The following GPAT3 variants were observed in gnomAD, a reference collection of about 807,000 sequenced individuals.
The protein encoded by GPAT3 is 1-AGP acyltransferase 9.
Under a neutral mutation model 58.8 loss-of-function variants are expected in GPAT3, and 53 were observed. That is an observed-to-expected ratio of 0.90 (90% CI 0.72 to 1.13). The LOEUF (loss-of-function observed/expected upper bound fraction) is 1.13. Ranked by LOEUF, GPAT3 falls within the 50% of genes most tolerant of loss-of-function variation. GPAT3 has a pLI of 0.00. For synonymous variants in GPAT3, 197 were observed against 187.4 expected, an observed-to-expected ratio of 1.05 and a Z score of -0.42; for missense variants, 511 against 527.6, an observed-to-expected ratio of 0.97 and a Z score of 0.31.
In GPAT3 at chr4:83,588,089, T is replaced by C. The variant is rs1481015414; in HGVS notation, c.555-121T>C. The C allele has an allele frequency of 4.0e-6, 3 of 743,192 alleles. No homozygotes were observed. In the African/African-American group the frequency reaches 5.3e-5, roughly 13 times the overall value. 46.0% of individuals were successfully genotyped at this position (743,192 alleles called of 1,614,324 possible). On this transcript the variant is annotated intron_variant, in intron 4 of 11. Transcript: ENST00000264409. ...GACTATAAGACTATAAGAATTGAAC[T>C]GTACCTGTTCACCAGAATAGAATGT... is the stretch of plus-strand genomic sequence containing the variant.
intron 1 of GPAT3, among the ~76,000 whole-genome samples, chr4:83,539,947 T>C (rs10019908): frequency 0.56 from 84,540 of 151,712 alleles, 24,881 homozygotes; most frequent in African/African-American, 0.73. Context: ...CACTTGAGAT[T>C]AGGAATTTGA....
At chr4:83,576,604 C>T (rs1299897406) in intron 2 of GPAT3, among the ~76,000 whole-genome samples, 1 of 151,944 alleles carries the variant, frequency 6.6e-6, no homozygotes, top group East Asian at 1.9e-4. Flanking sequence ...GCACCATGCC[C>T]AGCTAATTTT....
intron 6 of GPAT3, 29 bp downstream of exon 6, chr4:83,590,321 A>C: frequency 6.3e-7 from 1 of 1,598,070 alleles, no homozygotes; most frequent in Non-Finnish European, 8.5e-7. Flanking sequence ...TATTTCAAGT[A>C]GTTGCATGTT....
intron 6 of GPAT3, among the ~76,000 whole-genome samples, chr4:83,592,444 C>T (rs1037024327): frequency 1.3e-5 from 2 of 152,176 alleles, no homozygotes; most frequent in African/African-American, 4.8e-5. Context: ...CATCAAAGAT[C>T]TCTTCTCAGT....
Position 83,598,150 on chromosome 4 carries a change from G to T in GPAT3, c.1096G>T (p.Val366Leu), listed in dbSNP as rs774187292. The T allele has an allele frequency of 6.2e-7, 1 of 1,613,456 alleles. No individual in the cohort carries two copies. Among genetic ancestry groups the T allele is most frequent in the Non-Finnish European group, 8.5e-7 (1 of 1,179,774 alleles). ...GACCAGCTGGGCCATCGTCTGTGAC[G>T]TGTGGTACATGCCCCCCATGACCAG... ...MMTSWAIVCD[V>L]WYMPPMTREE... Residue 366 changes from valine (V) to leucine (L), a missense_variant, in exon 10 of 12, where the codon GTG (valine) becomes TTG (leucine). Coordinates refer to ENST00000264409, the MANE Select transcript of GPAT3 (RefSeq NM_032717.5).
At chr4:83,555,153 A>G (rs980870100) in intron 2 of GPAT3, among the ~76,000 whole-genome samples, 2 of 152,126 alleles carry the variant, frequency 1.3e-5, no homozygotes, top group Admixed American at 6.5e-5. Context: ...AGAAATATGT[A>G]TTAGACTTCT....
At chr4:83,556,410 A>C (rs1328097882) in intron 2 of GPAT3, among the ~76,000 whole-genome samples, 2 of 152,098 alleles carry the variant, frequency 1.3e-5, no homozygotes, top group African/African-American at 4.8e-5. Context: ...AGGTATGAGA[A>C]TCACTTCAAT....
At chr4:83,563,297 TG>T (rs1280173523) in intron 2 of GPAT3, among the ~76,000 whole-genome samples, 3 of 152,162 alleles carry the variant, frequency 2.0e-5, no homozygotes, top group Non-Finnish European at 4.4e-5. Flanking sequence ...TAAACTCACA[TG>T]GGTCAAAAAT....
At chr4:83,540,393 A>G (rs1377950287) in intron 1 of GPAT3, among the ~76,000 whole-genome samples, 1 of 152,160 alleles carries the variant, frequency 6.6e-6, no homozygotes, top group East Asian at 1.9e-4. Context: ...CTTGAGACAG[A>G]TATGTTCTGA....
chr4:83,587,222 A>G lies in GPAT3; in HGVS notation c.480-33A>G, dbSNP rs374344480. 4.5e-5 allele frequency: 72 copies of G among 1,590,098 alleles called. No individual in the cohort carries two copies. The African/African-American group carries it at 5.7e-4, about 13-fold the overall frequency. ...TTGGTTACTTCCATGCTATGTGTCA[A>G]AATCTTATATGGCCCTCTCTTTTCT... On this transcript the variant is annotated intron_variant, in intron 3 of 11. Coordinates refer to ENST00000264409, the MANE Select transcript of GPAT3 (RefSeq NM_032717.5).
chr4:83,544,589 C>G lies in GPAT3; in HGVS notation c.195C>G (p.Asn65Lys). 4 of 1,613,410 alleles carry G rather than the reference C, an allele frequency of 2.5e-6. No individual in the cohort carries two copies. The highest frequency in any genetic ancestry group is 3.4e-6 in the Non-Finnish European group (4 of 1,179,630). The change falls in exon 2 of 12, where the codon AAC (asparagine) becomes AAG (lysine). Residue 65 changes from asparagine (N) to lysine (K), a missense_variant. Asn to Lys is a moderately conservative substitution (Grantham distance 94). Coordinates refer to ENST00000264409, the MANE Select transcript of GPAT3 (RefSeq NM_032717.5). The stretch of plus-strand genomic sequence containing the variant: ...CCCCAAAGGAGTCGATTCTTAAAAA[C>G]TCTGCTTCTGTTGGTGAGTTTTCCT... ...KGTPKESILK[N>K]SASVGIIQRD...
rs56872564 is a variant in GPAT3, at chr4:83,605,547, T to TA, written c.*792dup. 81,666 of 148,952 alleles carry TA rather than the reference T, an allele frequency of 0.55. 22,648 individuals are homozygous for TA. The highest frequency in any genetic ancestry group is 0.73 in the Middle Eastern group (211 of 288). 9.2% of individuals were successfully genotyped at this position (148,952 alleles called of 1,614,324 possible). A position where few individuals can be genotyped will look rare whatever the true frequency, so the allele number is the denominator to read the frequency against. ...ACACATTTTCAGATAGAAGGAGCCT[T>TA]AAAAAAAAAAAATCACATTGAGTAA... On this transcript the variant is annotated 3_prime_UTR_variant, in exon 12 of 12. Transcript: ENST00000264409.
intron 4 of GPAT3, among the ~76,000 whole-genome samples, chr4:83,587,777 T>C (rs542901443): frequency 6.6e-6 from 1 of 152,334 alleles, no homozygotes; most frequent in East Asian, 1.9e-4. Flanking sequence ...CCTGCTCACT[T>C]CATCTTCATA....
intron 2 of GPAT3, among the ~76,000 whole-genome samples, chr4:83,579,008 C>CTTT: frequency 8.1e-6 from 1 of 122,980 alleles, no homozygotes; most frequent in Non-Finnish European, 1.6e-5. Flanking sequence ...TTCCTTCCTT[C>CTTT]CTTCTTTCCC....
intron 2 of GPAT3, among the ~76,000 whole-genome samples, chr4:83,553,332 A>C (rs1259270652): frequency 6.6e-6 from 1 of 152,260 alleles, no homozygotes; most frequent in Non-Finnish European, 1.5e-5. Flanking sequence ...GGACATTCAT[A>C]AAATGTCTTG....
intron 5 of GPAT3, 117 bp downstream of exon 5, chr4:83,588,416 T>C: frequency 4.6e-6 from 4 of 866,022 alleles, no homozygotes; most frequent in Non-Finnish European, 7.4e-6. Context: ...TTCCAATGTG[T>C]TCATCTCTAC....
intron 2 of GPAT3, among the ~76,000 whole-genome samples, chr4:83,576,295 A>G (rs895525877): frequency 6.6e-6 from 1 of 152,186 alleles, no homozygotes; most frequent in Non-Finnish European, 1.5e-5. Context: ...GTGTTCTTGT[A>G]TATGTCTCCT....
chr4:83,548,494 A>T (rs749336919), intron 2 of GPAT3, among the ~76,000 whole-genome samples: 2 of 152,210 alleles, frequency 1.3e-5, no homozygotes, highest in Non-Finnish European at 2.9e-5. Flanking sequence ...CTCTAATTGC[A>T]TTATGACACT....
At chr4:83,546,060 C>G (rs1724492867) in intron 2 of GPAT3, among the ~76,000 whole-genome samples, 1 of 152,186 alleles carries the variant, frequency 6.6e-6, no homozygotes, top group Non-Finnish European at 1.5e-5. Flanking sequence ...TGTCGGCTCA[C>G]TGTAACCTCT....
Sources: allele counts gnomAD v4.1 joint callset (sites outside exome capture counted in the v4.1 genomes callset), GRCh38; gene constraint gnomAD v4.1.1; transcripts MANE v1.5; gene names NCBI Gene and HGNC (gene_info 2026-07-23, HGNC 2026-07-21).